Variants in CSMD1 observed in about 807,000 individuals in gnomAD.
CSMD1 encodes CUB and sushi domain-containing protein 1.
A neutral mutation model predicts 417.5 loss-of-function variants in CSMD1; 213 were observed. That is an observed-to-expected ratio of 0.51 (90% CI 0.46 to 0.57). The LOEUF (loss-of-function observed/expected upper bound fraction) is 0.57. Ranked by LOEUF, CSMD1 falls within the 20% of genes least tolerant of loss-of-function variation. The pLI is 0.00. For missense variants in CSMD1, 6,923 were observed against 4,529.7 expected (o/e 1.53, Z -15.17); for synonymous variants, 2,862 against 1,736.8 (o/e 1.65, Z -16.11).
At position 3,162,237 on chromosome 8, in the gene CSMD1, G is replaced by T; in HGVS notation, c.5766C>A (p.Ser1922Arg). The T allele has an allele frequency of 6.2e-7, 1 of 1,610,908 alleles. No individual in the cohort carries two copies. The change falls in exon 38 of 70, where the codon AGC (serine) becomes AGA (arginine). Residue 1922 changes from serine to arginine, a missense_variant. Coordinates refer to ENST00000635120, the MANE Select transcript of CSMD1 (RefSeq NM_033225.6). ...LAACQEPALP[S>R]NSIKIGDRYM... ...ACCGATCTCCGATTTTGATGCTGTT[G>T]CTGGGGAGGGCTGGTTCTTGGCATG... is the stretch of plus-strand genomic sequence containing the variant.
chr8:2,960,030 C>G (rs1174260537), intron 62 of CSMD1, among the ~76,000 whole-genome samples: 1 of 152,148 alleles, frequency 6.6e-6, no homozygotes, highest in Non-Finnish European at 1.5e-5. Context: ...TTGCTAAATA[C>G]AGTCATCATT....
At chr8:4,101,566 T>C (rs1171488210) in intron 3 of CSMD1, among the ~76,000 whole-genome samples, 1 of 152,220 alleles carries the variant, frequency 6.6e-6, no homozygotes, top group Non-Finnish European at 1.5e-5. Context: ...GGAAGTTTCT[T>C]AATTTTACAG....
At chr8:4,674,226 G>T (rs1453258001) in intron 1 of CSMD1, among the ~76,000 whole-genome samples, 4 of 152,198 alleles carry the variant, frequency 2.6e-5, no homozygotes, top group Non-Finnish European at 5.9e-5. Flanking sequence ...CACTGGAGGG[G>T]TTGGACCTAG....
At position 4,604,832 on chromosome 8, in the gene CSMD1, C is replaced by G. The variant is rs114382695; in HGVS notation, c.302+32510G>C. Among the ~76,000 whole-genome samples the G allele has an allele frequency of 2.2e-3, 335 of 152,332 alleles. 4 individuals carry two copies. The highest frequency in any genetic ancestry group is 7.6e-3 in the African/African-American group (315 of 41,566). On this transcript the variant is annotated intron_variant, in intron 2 of 69. Transcript: ENST00000635120. ...GTACCTCCTTTTTTCAGCCAAGGAT[C>G]TGTCAGTATAGTACTCTGATAGCAA... is the stretch of plus-strand genomic sequence containing the variant.
At chr8:3,347,628 C>T (rs1166893584) in intron 22 of CSMD1, among the ~76,000 whole-genome samples, 1 of 152,204 alleles carries the variant, frequency 6.6e-6, no homozygotes, top group Admixed American at 6.5e-5. Context: ...AGACACAATG[C>T]TAGGAACATC....
chr8:3,521,969 A>G (rs1797528475), intron 10 of CSMD1, among the ~76,000 whole-genome samples: 1 of 152,266 alleles, frequency 6.6e-6, no homozygotes, highest in East Asian at 1.9e-4. Context: ...TGCAATTAAC[A>G]AAACTTTCAT....
At chr8:4,756,945 G>T (rs1811704327) in intron 1 of CSMD1, among the ~76,000 whole-genome samples, 1 of 152,200 alleles carries the variant, frequency 6.6e-6, no homozygotes, top group Non-Finnish European at 1.5e-5. Flanking sequence ...GTTTTTAAAA[G>T]AAACCTGTTC....
chr8:3,920,917 A>G (rs1294487332), intron 5 of CSMD1, among the ~76,000 whole-genome samples: 1 of 152,102 alleles, frequency 6.6e-6, no homozygotes, highest in East Asian at 1.9e-4. Flanking sequence ...GATTACAGAC[A>G]TTGGCCTGTA....
At chr8:3,947,766 G>C (rs541189974) in intron 5 of CSMD1, among the ~76,000 whole-genome samples, 1 of 152,008 alleles carries the variant, frequency 6.6e-6, no homozygotes, top group African/African-American at 2.4e-5. Flanking sequence ...TTCCATGTGC[G>C]GTTGAAAGGA....
chr8:4,708,336 A>G (rs1808080910), intron 1 of CSMD1, among the ~76,000 whole-genome samples: 1 of 152,172 alleles, frequency 6.6e-6, no homozygotes, highest in South Asian at 2.1e-4. Context: ...GTGGAATGTA[A>G]GCTCCGTGAA....
intron 40 of CSMD1, among the ~76,000 whole-genome samples, chr8:3,146,577 G>A (rs548236342): frequency 1.3e-5 from 2 of 152,286 alleles, no homozygotes; most frequent in African/African-American, 2.4e-5. Context: ...TAAACTCAGA[G>A]CCTAAAATTG....
At chr8:4,438,410 G>T (rs186892536) in intron 2 of CSMD1, among the ~76,000 whole-genome samples, 2 of 152,210 alleles carry the variant, frequency 1.3e-5, no homozygotes, top group East Asian at 3.9e-4. Context: ...GAAGTTGGTG[G>T]ATACTTAAAC....
intron 3 of CSMD1, among the ~76,000 whole-genome samples, chr8:4,263,440 C>A (rs1342447434): frequency 2.0e-5 from 3 of 152,146 alleles, no homozygotes; most frequent in Non-Finnish European, 4.4e-5. Context: ...TATGGGACTG[C>A]TTTTAGATTT....
intron 7 of CSMD1, among the ~76,000 whole-genome samples, chr8:3,629,530 G>C (rs1388013503): frequency 1.3e-5 from 2 of 152,098 alleles, no homozygotes; most frequent in African/African-American, 2.4e-5. Context: ...GCAAATATCA[G>C]CTCCTCATCT....
chr8:2,969,621 A>G (rs963828618), intron 57 of CSMD1, among the ~76,000 whole-genome samples: 4 of 152,182 alleles, frequency 2.6e-5, no homozygotes, highest in Non-Finnish European at 4.4e-5. Context: ...GTTTGCAATA[A>G]TCTTAACTAG....
chr8:4,025,869 G>T (rs183828316), intron 4 of CSMD1, among the ~76,000 whole-genome samples: 1 of 151,924 alleles, frequency 6.6e-6, no homozygotes, highest in Admixed American at 6.6e-5. Flanking sequence ...TTTCTTTAAA[G>T]AACATCACGG....
At chr8:3,579,891 G>A (rs1386381633) in intron 9 of CSMD1, among the ~76,000 whole-genome samples, 2 of 152,144 alleles carry the variant, frequency 1.3e-5, no homozygotes, top group African/African-American at 4.8e-5. Flanking sequence ...ATTACCTGAG[G>A]TCAGGAGTTT....
chr8:4,427,231 C>G (rs539456709), intron 2 of CSMD1, among the ~76,000 whole-genome samples: 2 of 152,300 alleles, frequency 1.3e-5, no homozygotes, highest in South Asian at 4.1e-4. Flanking sequence ...GAGGCACACG[C>G]CGTGCCCTGA....
At chr8:3,712,349 CAG>C (rs1215514653) in intron 6 of CSMD1, among the ~76,000 whole-genome samples, 1 of 150,876 alleles carries the variant, frequency 6.6e-6, no homozygotes, top group Non-Finnish European at 1.5e-5. Context: ...CAGAGCTGAG[CAG>C]AGATTTTCAT....
Sources: gnomAD v4.1 joint callset for allele counts (sites outside exome capture counted in the v4.1 genomes callset) on GRCh38, gnomAD v4.1.1 for gene constraint, MANE v1.5 for transcripts, NCBI Gene and HGNC (gene_info 2026-07-23, HGNC 2026-07-21) for gene names.